The following PLEKHA8 variants were observed in gnomAD, a reference collection of about 807,000 sequenced individuals.
PLEKHA8 encodes the protein pleckstrin homology domain containing A8.
PLEKHA8 carries 36 observed loss-of-function variants against 68.2 expected under a neutral mutation model. The observed-to-expected ratio is 0.53, with a 90% CI of 0.40 to 0.70. The LOEUF (loss-of-function observed/expected upper bound fraction) is 0.70. Ranked by LOEUF, PLEKHA8 falls within the 30% of genes least tolerant of loss-of-function variation. The pLI, the probability that PLEKHA8 is intolerant of heterozygous loss-of-function variation, is 0.00. For missense variants in PLEKHA8, 505 were observed against 615.4 expected, an observed-to-expected ratio of 0.82 and a Z score of 1.90; for synonymous variants, 211 against 216.1, an observed-to-expected ratio of 0.98 and a Z score of 0.20.
intron 9 of PLEKHA8, among the ~76,000 whole-genome samples, chr7:30,056,331 TAAATAAC>T (rs1562870101): frequency 0.017 from 2,126 of 128,472 alleles, 26 homozygotes; most frequent in Middle Eastern, 0.025. Context: ...TATATATATA[TAAATAAC>T]ATATATATAA....
At chr7:30,036,058 C>A (rs932920084) in intron 1 of PLEKHA8, among the ~76,000 whole-genome samples, 1 of 152,064 alleles carries the variant, frequency 6.6e-6, no homozygotes, top group African/African-American at 2.4e-5. Flanking sequence ...GAGTTTGAGA[C>A]CAGCCTGGCC....
At chr7:30,119,271 T>G (rs1165861089) in intron 13 of PLEKHA8, among the ~76,000 whole-genome samples, 1 of 152,226 alleles carries the variant, frequency 6.6e-6, no homozygotes, top group Non-Finnish European at 1.5e-5. Context: ...CTTCTTTCCA[T>G]GTAGGAATCT....
intron 13 of PLEKHA8, among the ~76,000 whole-genome samples, chr7:30,115,604 A>G (rs189340535): frequency 1.3e-4 from 19 of 150,956 alleles, no homozygotes; most frequent in Admixed American, 9.9e-4. Context: ...ATGTATACAT[A>G]CATTTATACA....
intron 12 of PLEKHA8, among the ~76,000 whole-genome samples, chr7:30,064,906 A>G (rs1554276170): frequency 1.3e-5 from 2 of 152,164 alleles, no homozygotes; most frequent in Non-Finnish European, 2.9e-5. Context: ...GAGTAGGACA[A>G]TGCTGATCCC....
chr7:30,087,030 T>G (rs1583454593), downstream of PLEKHA8, among the ~76,000 whole-genome samples: 1 of 152,234 alleles, frequency 6.6e-6, no homozygotes, highest in Admixed American at 6.5e-5. Context: ...GCTGTGTGAA[T>G]GCATTGTCCT....
At chr7:30,038,364 A>G (rs562345501) in intron 1 of PLEKHA8, among the ~76,000 whole-genome samples, 81 of 152,360 alleles carry the variant, frequency 5.3e-4, no homozygotes, top group African/African-American at 1.9e-3. Context: ...ACAGATTAGT[A>G]ACAGATGTAG....
intron 13 of PLEKHA8, among the ~76,000 whole-genome samples, chr7:30,115,511 CACATACACGTATACATGTAG>C (rs1796406521): frequency 6.8e-6 from 1 of 147,962 alleles, no homozygotes; most frequent in Non-Finnish European, 1.5e-5. Flanking sequence ...TACATATGTA[CACATACACGTATACATGTAG>C]ACATATGTAC....
chr7:30,086,389 G>A (rs1317044027), downstream of PLEKHA8, among the ~76,000 whole-genome samples: 1 of 152,224 alleles, frequency 6.6e-6, no homozygotes, highest in Non-Finnish European at 1.5e-5. Context: ...TGCCTAGGTG[G>A]AGGAGTGTGC....
intron 6 of PLEKHA8, 73 bp downstream of exon 6, chr7:30,050,547 G>C: frequency 7.1e-7 from 1 of 1,417,198 alleles, no homozygotes; most frequent in Non-Finnish European, 9.4e-7. Context: ...TTTAAAAAAA[G>C]ATACTTTGAT....
chr7:30,108,083 A>AAAAAAAAAAAC (rs780069387), intron 13 of PLEKHA8, among the ~76,000 whole-genome samples: 127 of 144,488 alleles, frequency 8.8e-4, no homozygotes, highest in Non-Finnish European at 1.7e-3. Flanking sequence ...AAAAAAAAAA[A>AAAAAAAAAAAC]AAAAAAAAAC....
chr7:30,109,812 CAGG>C (rs1796210077), intron 13 of PLEKHA8, among the ~76,000 whole-genome samples: 1 of 151,572 alleles, frequency 6.6e-6, no homozygotes, highest in Admixed American at 6.6e-5. Context: ...GCTGGGACCA[CAGG>C]CATGCACCAC....
At chr7:30,056,278 TTCTC>T (rs761685260) in intron 9 of PLEKHA8, among the ~76,000 whole-genome samples, 3,366 of 56,344 alleles carry the variant, frequency 0.06, 98 homozygotes, top group Middle Eastern at 0.19. Flanking sequence ...TAAAGATATA[TTCTC>T]TCTCTCTCTC....
At chr7:30,129,598 C>A, downstream of PLEKHA8, 1 of 409,798 alleles carries the variant, frequency 2.4e-6, no homozygotes, top group South Asian at 3.5e-5. Flanking sequence ...GCATTATAGA[C>A]CAAAGGTCAC....
At chr7:30,051,142 C>T (rs550001683) in intron 6 of PLEKHA8, among the ~76,000 whole-genome samples, 1 of 152,312 alleles carries the variant, frequency 6.6e-6, no homozygotes, top group East Asian at 1.9e-4. Context: ...TCAAGCAATT[C>T]ACCCGCCTTG....
chr7:30,129,505 C>A, downstream of PLEKHA8: 1 of 634,886 alleles, frequency 1.6e-6, no homozygotes, highest in Non-Finnish European at 2.7e-6. Context: ...CAGATGAATG[C>A]AATTTCTAAT....
intron 12 of PLEKHA8, chr7:30,069,892 C>G (rs1794121171): frequency 6.6e-6 from 1 of 152,148 alleles, no homozygotes; most frequent in Non-Finnish European, 1.5e-5. Flanking sequence ...TGACACATCT[C>G]AAAGAACTGG....
intron 13 of PLEKHA8, among the ~76,000 whole-genome samples, chr7:30,110,471 C>T (rs1796236211): frequency 6.6e-6 from 1 of 152,124 alleles, no homozygotes; most frequent in African/African-American, 2.4e-5. Context: ...AATAATGTTG[C>T]TAGAATATTT....
chr7:30,064,565 CA>C lies in PLEKHA8; in HGVS notation c.1300+1830del, dbSNP rs1793684940. On this transcript the variant is annotated intron_variant, in intron 12 of 13. Transcript: ENST00000449726. ...CCTGTCTCAAAAACAAACAAACAAA[CA>C]AAAAAACAATGCTCAGTCGTCAAGA... is the stretch of plus-strand genomic sequence containing the variant. 2.6e-5 allele frequency among the ~76,000 whole-genome samples: 4 copies of C among 151,658 alleles called. No individual in the cohort carries two copies. In the South Asian group the frequency reaches 6.2e-4, roughly 24 times the overall value.
chr7:30,050,506 TAAAA>T, intron 6 of PLEKHA8, 32 bp downstream of exon 6: 1 of 1,511,302 alleles, frequency 6.6e-7, no homozygotes, highest in Non-Finnish European at 8.9e-7. Context: ...TGCTAAAAAT[TAAAA>T]AAAAATAAGG....
Sources: gnomAD v4.1 joint callset for allele counts (sites outside exome capture counted in the v4.1 genomes callset) on GRCh38, gnomAD v4.1.1 for gene constraint, MANE v1.5 for transcripts, NCBI Gene and HGNC (gene_info 2026-07-23, HGNC 2026-07-21) for gene names.